The following FTO variants were observed in gnomAD, a reference collection of about 807,000 sequenced individuals.
FTO encodes the protein alpha-ketoglutarate-dependent dioxygenase FTO.
A neutral mutation model predicts 63.9 loss-of-function variants in FTO; 47 were observed. The observed-to-expected ratio is 0.74, with a 90% CI of 0.58 to 0.94. The LOEUF is 0.94. Ranked by LOEUF, FTO falls within the 40% of genes least tolerant of loss-of-function variation. The pLI, the probability that FTO is intolerant of heterozygous loss-of-function variation, is 0.00. For missense variants in FTO, 562 were observed against 618.1 expected, an observed-to-expected ratio of 0.91 and a Z score of 0.96; for synonymous variants, 207 against 224.4, an observed-to-expected ratio of 0.92 and a Z score of 0.69.
chr16:53,997,182 AGAAGGAAGGAAGGAGAAAGAAAGAAG>A (rs1295606906), intron 8 of FTO, among the ~76,000 whole-genome samples: 3 of 151,254 alleles, frequency 2.0e-5, no homozygotes, highest in Non-Finnish European at 4.4e-5. Flanking sequence ...AGGGAGAGAA[AGAAGGAAGGAAGGAGAAAGAAAGAAG>A]GAAGGAAGGA....
intron 8 of FTO, chr16:53,979,526 T>C (rs1404170361): frequency 2.6e-6 from 1 of 391,176 alleles, no homozygotes; most frequent in Admixed American, 4.7e-5. Context: ...ATCTTTTTTA[T>C]GTTTATGGCT....
intron 1 of FTO, among the ~76,000 whole-genome samples, chr16:53,807,504 G>C (rs1347149244): frequency 6.6e-6 from 1 of 152,128 alleles, no homozygotes; most frequent in Non-Finnish European, 1.5e-5. Context: ...TCGACCTATG[G>C]GACAGGTCTG....
At chr16:54,056,400 T>C (rs2085433418) in intron 8 of FTO, among the ~76,000 whole-genome samples, 1 of 152,220 alleles carries the variant, frequency 6.6e-6, no homozygotes, top group Admixed American at 6.5e-5. Flanking sequence ...GTTGGTTGAA[T>C]TAAATTGTTA....
intron 8 of FTO, among the ~76,000 whole-genome samples, chr16:54,012,684 T>C (rs1839163372): frequency 6.6e-6 from 1 of 152,190 alleles, no homozygotes; most frequent in African/African-American, 2.4e-5. Flanking sequence ...CATTTACCGT[T>C]CTGAAAATCC....
At chr16:54,083,968 G>A (rs189605340) in intron 8 of FTO, among the ~76,000 whole-genome samples, 17 of 152,230 alleles carry the variant, frequency 1.1e-4, no homozygotes, top group South Asian at 6.2e-4. Context: ...TCTGAAATCC[G>A]AAATGCTCCA....
chr16:53,875,042 G>A (rs1296515044), intron 5 of FTO, among the ~76,000 whole-genome samples: 1 of 152,006 alleles, frequency 6.6e-6, no homozygotes, highest in African/African-American at 2.4e-5. Flanking sequence ...AGAGGGAAGC[G>A]AGGGAGGAAG....
At chr16:53,788,757 G>A (rs1014803361) in intron 1 of FTO, among the ~76,000 whole-genome samples, 4 of 152,050 alleles carry the variant, frequency 2.6e-5, no homozygotes, top group Admixed American at 1.3e-4. Context: ...TTACCTCAGC[G>A]GGGGTAGGGA....
intron 7 of FTO, among the ~76,000 whole-genome samples, chr16:53,904,657 T>C (rs992560326): frequency 3.3e-5 from 5 of 152,178 alleles, no homozygotes; most frequent in Non-Finnish European, 7.3e-5. Context: ...TTTTTGGCAA[T>C]GGAAGGTGAA....
intron 7 of FTO, among the ~76,000 whole-genome samples, chr16:53,895,541 T>TA (rs1464257441): frequency 6.6e-6 from 1 of 152,196 alleles, no homozygotes; most frequent in Non-Finnish European, 1.5e-5. Flanking sequence ...AAGGGATACT[T>TA]ATGTTTCTTA....
In FTO at chr16:53,991,430, T is replaced by A. The variant is rs527861732; in HGVS notation, c.1364+57321T>A. ...GGCCGGGAGAAGCCAGGACAGAGTA[T>A]CAGATCGTGTTTCACCAGGAAAACA... On this transcript the variant is annotated intron_variant, in intron 8 of 8. Coordinates refer to ENST00000471389, the MANE Select transcript of FTO (RefSeq NM_001080432.3). 5.3e-5 allele frequency: 8 copies of A among 152,280 alleles called. No individual in the cohort carries two copies. In the East Asian group the frequency reaches 1.5e-3, roughly 29 times the overall value. 9.4% of individuals were successfully genotyped at this position (152,280 alleles called of 1,614,324 possible). A position where few individuals can be genotyped will look rare whatever the true frequency, so the allele number is the denominator to read the frequency against.
intron 7 of FTO, among the ~76,000 whole-genome samples, chr16:53,889,330 C>G (rs1685146782): frequency 6.6e-6 from 1 of 152,014 alleles, no homozygotes; most frequent in African/African-American, 2.4e-5. Flanking sequence ...CTTTTCCAGG[C>G]CTTAATTTGT....
intron 1 of FTO, among the ~76,000 whole-genome samples, chr16:53,749,127 A>T (rs189427819): frequency 6.6e-4 from 101 of 152,330 alleles, no homozygotes; most frequent in African/African-American, 2.4e-3. Flanking sequence ...CACTGTTAGC[A>T]TATAGAAAGA....
At chr16:53,920,065 T>G (rs1339636617) in intron 7 of FTO, among the ~76,000 whole-genome samples, 2 of 152,166 alleles carry the variant, frequency 1.3e-5, no homozygotes, top group African/African-American at 2.4e-5. Flanking sequence ...TTTTAGTAGA[T>G]TTAATGTGAC....
chr16:53,945,336 T>C (rs1214695560), intron 8 of FTO, among the ~76,000 whole-genome samples: 1 of 152,234 alleles, frequency 6.6e-6, no homozygotes, highest in African/African-American at 2.4e-5. Context: ...TTTTAAATGT[T>C]TTATATGATG....
chr16:53,877,429 C>T (rs72807779), intron 5 of FTO, among the ~76,000 whole-genome samples: 2 of 152,138 alleles, frequency 1.3e-5, no homozygotes, highest in African/African-American at 4.8e-5. Context: ...GAAATGGAAG[C>T]AACCAGTCAC....
chr16:53,887,800 C>A (rs2081039613), intron 6 of FTO: 2 of 152,114 alleles, frequency 1.3e-5, no homozygotes, highest in Admixed American at 1.3e-4. Context: ...AACCTATTGT[C>A]ACCTGCCCTG....
chr16:53,738,443 G>C (rs982061805), intron 1 of FTO, among the ~76,000 whole-genome samples: 3 of 152,118 alleles, frequency 2.0e-5, no homozygotes, highest in African/African-American at 7.2e-5. Context: ...TATTTTTATG[G>C]CTGAATAATA....
chr16:53,930,795 T>C (rs1240492969), intron 7 of FTO, among the ~76,000 whole-genome samples: 1 of 152,152 alleles, frequency 6.6e-6, no homozygotes, highest in African/African-American at 2.4e-5. Flanking sequence ...AACCTTAGAG[T>C]GAATCCTTTT....
chr16:53,865,096 A>T (rs2024471), intron 4 of FTO, among the ~76,000 whole-genome samples: 88,960 of 151,992 alleles, frequency 0.59, 27,581 homozygotes, highest in East Asian at 0.86. Context: ...CCTAATTATG[A>T]CTGTGGGTCC....
Sources: gnomAD v4.1 joint callset for allele counts (sites outside exome capture counted in the v4.1 genomes callset) on GRCh38, gnomAD v4.1.1 for gene constraint, MANE v1.5 for transcripts, NCBI Gene and HGNC (gene_info 2026-07-23, HGNC 2026-07-21) for gene names.